The following CSE1L variants were observed in gnomAD, a reference collection of about 807,000 sequenced individuals.
The protein encoded by CSE1L is exportin-2.
CSE1L carries 24 observed loss-of-function variants against 120.4 expected under a neutral mutation model. The ratio of observed to expected loss-of-function variants is 0.20; its 90% CI spans 0.14 to 0.28. The LOEUF is 0.28. Among genes scored for constraint, CSE1L ranks in the 10% least tolerant of loss-of-function variants. The pLI, the probability that CSE1L is intolerant of heterozygous loss-of-function variation, is 1.00. For synonymous variants in CSE1L, 402 were observed against 398.3 expected (o/e 1.01, Z -0.11); for missense variants, 830 against 1,145.2 (o/e 0.72, Z 3.97).
At chr20:49,063,118 AT>A (rs10714453) in intron 2 of CSE1L, 83 bp from the exon 3 acceptor site, 219,587 of 711,806 alleles carry the variant, frequency 0.31, 35,095 homozygotes, top group African/African-American at 0.53. Context: ...TCTTTTTTTG[AT>A]TTTTTTTTAT....
At chr20:49,092,920 A>G (rs1215491613) in intron 22 of CSE1L, among the ~76,000 whole-genome samples, 2 of 152,162 alleles carry the variant, frequency 1.3e-5, no homozygotes, top group Non-Finnish European at 2.9e-5. Context: ...ACACAGCAGA[A>G]TTTTTCAAAT....
At chr20:49,051,846 C>T (rs2869694) in intron 1 of CSE1L, among the ~76,000 whole-genome samples, 54,881 of 151,960 alleles carry the variant, frequency 0.36, 10,741 homozygotes, top group African/African-American at 0.53. Context: ...TACAAGTGCT[C>T]GCCACCATGC....
chr20:49,066,589 CTG>C (rs1470463799), intron 5 of CSE1L, 79 bp downstream of exon 5: 73 of 1,282,290 alleles, frequency 5.7e-5, no homozygotes, highest in Non-Finnish European at 7.7e-5. Context: ...GTTTTTGTGA[CTG>C]TTGTCATTCC....
At chr20:49,053,139 CT>C (rs890973903) in intron 1 of CSE1L, among the ~76,000 whole-genome samples, 8 of 131,570 alleles carry the variant, frequency 6.1e-5, no homozygotes, top group African/African-American at 1.4e-4. Flanking sequence ...GTGAGACCCC[CT>C]GTCTCTCTTT....
At position 49,094,899 on chromosome 20, in the gene CSE1L, T is replaced by C; in HGVS notation, c.2762T>C (p.Val921Ala). Residue 921 changes from valine (V) to alanine (A), a missense_variant, in exon 24 of 25, where the codon GTG becomes GCG. This residue lies in a region of CSE1L where 112 missense variants were observed against 200.0 expected (regional missense o/e 0.56). Coordinates refer to ENST00000262982, the MANE Select transcript of CSE1L (RefSeq NM_001316.4). ...KKEHDPVGQM[V>A]NNPKIHLAQS... ...GAGCATGATCCTGTAGGTCAAATGG[T>C]GAATAACCCCAAAATTCACCTGGCA... is the stretch of plus-strand genomic sequence containing the variant. 6.2e-7 allele frequency: 1 copy of C among 1,614,130 alleles called. No individual in the cohort carries two copies. Among genetic ancestry groups the C allele is most frequent in the Middle Eastern group, 1.6e-4 (1 of 6,062 alleles).
At chr20:49,090,054 G>A (rs1426529236) in intron 19 of CSE1L, among the ~76,000 whole-genome samples, 2 of 152,028 alleles carry the variant, frequency 1.3e-5, no homozygotes, top group South Asian at 2.1e-4. Context: ...GAGCCCAGGA[G>A]TTTAAGGCTG....
At chr20:49,085,228 T>C (rs1885163) in intron 15 of CSE1L, 55 bp from the exon 16 acceptor site, 399,342 of 1,336,242 alleles carry the variant, frequency 0.3, 63,087 homozygotes, top group African/African-American at 0.52. Context: ...AAGGGTAATC[T>C]GCAGTGACAA....
rs189256853 is a variant in CSE1L at position 49,061,746 on chromosome 20, A to C, written c.86-1456A>C. On this transcript the variant is annotated intron_variant, in intron 2 of 24. Coordinates refer to ENST00000262982, the MANE Select transcript of CSE1L (RefSeq NM_001316.4). ...TCTCGATTTCCTGACCTTGTGATCC[A>C]CTCGTCTCGGCCTCCCATAGTGCTG... Among the ~76,000 whole-genome samples the C allele has an allele frequency of 1.9e-4, 29 of 149,470 alleles. No homozygotes were observed. The East Asian group carries it at 5.3e-3, about 28-fold the overall frequency.
chr20:49,066,186 T>A lies in CSE1L; in HGVS notation c.229-6T>A. The A allele has an allele frequency of 5.0e-6, 8 of 1,613,674 alleles. No individual in the cohort carries two copies. Among genetic ancestry groups the A allele is most frequent in the Non-Finnish European group, 6.8e-6 (8 of 1,179,606 alleles). On this transcript the variant is annotated splice_region_variant and splice_polypyrimidine_tract_variant and intron_variant, in intron 3 of 24. Coordinates refer to ENST00000262982, the MANE Select transcript of CSE1L (RefSeq NM_001316.4). ...GTTACTTCCTCAGTTACTGCTTTGC[T>A]TTTAGGTTGAAGATGAACCAAACAA... is the stretch of plus-strand genomic sequence containing the variant.
At chr20:49,077,341 G>C (rs1166747036) in intron 13 of CSE1L, among the ~76,000 whole-genome samples, 4 of 151,900 alleles carry the variant, frequency 2.6e-5, no homozygotes, top group African/African-American at 9.7e-5. Context: ...TGTATTTTTA[G>C]TAGAGACGGG....
At position 49,094,883 on chromosome 20, in the gene CSE1L, C is replaced by CCCA; in HGVS notation, c.2747_2748insCAC (p.Pro916_Val917insThr). The CCCA allele has an allele frequency of 1.2e-6, 2 of 1,614,124 alleles. No homozygotes were observed. Among genetic ancestry groups the CCCA allele is most frequent in the Non-Finnish European group, 8.5e-7 (1 of 1,180,026 alleles). On this transcript the variant is annotated inframe_insertion, in exon 24 of 25. Coordinates refer to ENST00000262982, the MANE Select transcript of CSE1L (RefSeq NM_001316.4). ...ATTTGCTGGGAAAAAAGAGCATGAT[C>CCCA]CTGTAGGTCAAATGGTGAATAACCC...
intron 15 of CSE1L, among the ~76,000 whole-genome samples, chr20:49,084,398 C>T (rs1018967960): frequency 2.6e-5 from 4 of 152,078 alleles, no homozygotes; most frequent in Admixed American, 2.6e-4. Flanking sequence ...AGTTAATAAA[C>T]AGAAATGTGT....
At position 49,070,246 on chromosome 20, in the gene CSE1L, G is replaced by T; in HGVS notation, c.717G>T (p.Met239Ile). 6.8e-7 allele frequency: 1 copy of T among 1,471,906 alleles called. No homozygotes were observed. Among genetic ancestry groups the T allele is most frequent in the South Asian group, 1.2e-5 (1 of 80,156 alleles). 91.2% of individuals were successfully genotyped at this position (1,471,906 alleles called of 1,614,324 possible). ...TTGAAGATAATATGGAAACTTGGAT[G>T]AATAATTTTCATACTCTCTTAACAT... is the stretch of plus-strand genomic sequence containing the variant. Reference protein sequence around the residue: ...EFFEDNMETWMNNFHTLLTLD... With the variant: ...EFFEDNMETWINNFHTLLTLD... The change falls in exon 8 of 25, where the codon ATG becomes ATT. Residue 239 changes from methionine (M) to isoleucine (I), a missense_variant. This residue lies in a region of CSE1L where 543 missense variants were observed against 640.2 expected (regional missense o/e 0.85). Coordinates refer to ENST00000262982, the MANE Select transcript of CSE1L (RefSeq NM_001316.4).
chr20:49,051,949 G>T (rs1434589732), intron 1 of CSE1L, among the ~76,000 whole-genome samples: 2 of 152,164 alleles, frequency 1.3e-5, no homozygotes, highest in Non-Finnish European at 2.9e-5. Flanking sequence ...TTCCGCCTCG[G>T]CCTTCCAAAG....
chr20:49,058,511 G>A lies in CSE1L; in HGVS notation c.48G>A (p.Lys16=), dbSNP rs778601313. The part of the protein sequence containing the change: ...ANLQTLTEYL[K]KTLDPDPAIR... The stretch of plus-strand genomic sequence containing the variant: ...TGCAAACACTAACAGAATATTTAAA[G>A]AAAACACTTGATCCTGATCCTGCCA... The change falls in exon 2 of 25, where the codon AAG becomes AAA. Residue 16 remains lysine, a synonymous_variant. Coordinates refer to ENST00000262982, the MANE Select transcript of CSE1L (RefSeq NM_001316.4). 2 of 1,613,752 alleles carry A rather than the reference G, an allele frequency of 1.2e-6. No homozygotes were observed. Among genetic ancestry groups the A allele is most frequent in the Non-Finnish European group, 1.7e-6 (2 of 1,179,826 alleles).
At chr20:49,076,147 A>G (rs1308760161) in intron 12 of CSE1L, among the ~76,000 whole-genome samples, 8 of 151,360 alleles carry the variant, frequency 5.3e-5, no homozygotes, top group Non-Finnish European at 7.4e-5. Flanking sequence ...GTCTTATTTT[A>G]TATTTTATAC....
At position 49,094,820 on chromosome 20, in the gene CSE1L, G is replaced by A. The variant is rs756997821; in HGVS notation, c.2683G>A (p.Asp895Asn). The A allele has an allele frequency of 9.9e-6, 16 of 1,613,922 alleles. No homozygotes were observed. The highest frequency in any genetic ancestry group is 1.6e-4 in the Middle Eastern group (1 of 6,062). The change falls in exon 24 of 25, where the codon GAT (aspartate) becomes AAT (asparagine). Residue 895 changes from aspartate (D) to asparagine (N), a missense_variant. This residue lies in a region of CSE1L where 112 missense variants were observed against 200.0 expected (regional missense o/e 0.56). Transcript: ENST00000262982. ...TGAGGAACATTTTATTGACATAGAA[G>A]ATACACCAGGATATCAGACTGCCTT... is the stretch of plus-strand genomic sequence containing the variant. ...PDEEHFIDIE[D>N]TPGYQTAFSQ...
At chr20:49,082,006 G>GTATTTGACACCCATGA (rs1283926833) in intron 14 of CSE1L, among the ~76,000 whole-genome samples, 2 of 152,064 alleles carry the variant, frequency 1.3e-5, no homozygotes, top group Non-Finnish European at 2.9e-5. Context: ...TGAATTCGGT[G>GTATTTGACACCCATGA]TATTTGACAC....
chr20:49,096,071 CG>C (rs2092138146), intron 24 of CSE1L: 1 of 573,624 alleles, frequency 1.7e-6, no homozygotes, highest in African/African-American at 1.9e-5. Context: ...ACGTTTCACG[CG>C]TAAGTACCTT....
Sources: gnomAD v4.1 joint callset for allele counts (sites outside exome capture counted in the v4.1 genomes callset) on GRCh38, gnomAD v4.1.1 for gene constraint, gnomAD v4.1.1 regional missense constraint, MANE v1.5 for transcripts, NCBI Gene and HGNC (gene_info 2026-07-23, HGNC 2026-07-21) for gene names.